Variants in ZNF75D observed in about 807,000 individuals in gnomAD.
The protein encoded by ZNF75D is zinc finger protein 75D, also known as zinc finger protein 75.
ZNF75D carries 33 observed loss-of-function variants against 33.3 expected under a neutral mutation model. That is an observed-to-expected ratio of 0.99 (90% CI 0.75 to 1.32). The LOEUF (loss-of-function observed/expected upper bound fraction) is 1.32. Among genes scored for constraint, ZNF75D ranks in the 40% most tolerant of loss-of-function variants. ZNF75D has a pLI of 0.00. For synonymous variants in ZNF75D, 113 were observed against 130.6 expected (o/e 0.87, Z 0.92); for missense variants, 338 against 367.5 (o/e 0.92, Z 0.66).
intron 1 of ZNF75D, among the ~76,000 whole-genome samples, chrX:135,311,207 T>A (rs1219548014): frequency 2.7e-5 from 3 of 112,025 alleles, no homozygotes; most frequent in African/African-American, 9.7e-5. Context: ...AGGCAGCACA[T>A]GGAATTTCAG....
At chrX:135,290,939 T>C in intron 6 of ZNF75D, 70 bp downstream of exon 6, 1 of 1,019,590 alleles carries the variant, frequency 9.8e-7, no homozygotes, top group Non-Finnish European at 1.3e-6. Context: ...CTCACAGGGG[T>C]GCATTTTCCA....
At chrX:135,311,840 G>A (rs782056839) in intron 1 of ZNF75D, among the ~76,000 whole-genome samples, 39 of 110,552 alleles carry the variant, frequency 3.5e-4, no homozygotes, top group Non-Finnish European at 6.1e-4. Flanking sequence ...TGTCCCCTAG[G>A]TCCATTCAGG....
At chrX:135,326,207 G>C (rs1252915983) in intron 1 of ZNF75D, among the ~76,000 whole-genome samples, 1 of 110,265 alleles carries the variant, frequency 9.1e-6, no homozygotes, top group African/African-American at 3.3e-5. Flanking sequence ...CTGCTCTGGT[G>C]GGGCCTTGGA....
intron 1 of ZNF75D, among the ~76,000 whole-genome samples, chrX:135,273,552 T>G (rs1402704541): frequency 9.0e-6 from 1 of 110,640 alleles, no homozygotes; most frequent in Admixed American, 9.6e-5. Flanking sequence ...AAGTCAGGGA[T>G]TACACACAGG....
At chrX:135,268,700 C>T (rs1269998877) in intron 1 of ZNF75D, among the ~76,000 whole-genome samples, 1 of 109,848 alleles carries the variant, frequency 9.1e-6, no homozygotes, top group African/African-American at 3.3e-5. Flanking sequence ...CAATGCAATC[C>T]CTATTAAAAC....
chrX:135,331,684 C>A (rs1370990546), intron 1 of ZNF75D, among the ~76,000 whole-genome samples: 1 of 111,585 alleles, frequency 9.0e-6, no homozygotes, highest in Non-Finnish European at 1.9e-5. Context: ...CCCTCTTCCT[C>A]TCCTCCCAAA....
chrX:135,323,336 A>G lies in ZNF75D; in HGVS notation c.-391+18432T>C, dbSNP rs1190852524. On this transcript the variant is annotated intron_variant, in intron 1 of 6. Coordinates refer to ENST00000370766, the MANE Select transcript of ZNF75D (RefSeq NM_007131.5). ...ACCCCTTGATTGTGCAACAGGGCAC[A>G]TGAAAATATCATTAGCATTTTCCAA... is the stretch of plus-strand genomic sequence containing the variant. 2.7e-5 allele frequency among the ~76,000 whole-genome samples: 3 copies of G among 112,391 alleles called. No individual in the cohort carries two copies. In the East Asian group the frequency reaches 8.4e-4, roughly 31 times the overall value.
rs1174459497 is a variant in ZNF75D, at chrX:135,295,939, C to T, written c.-290G>A. 9.0e-6 allele frequency: 1 copy of T among 111,325 alleles called. No homozygotes were observed. The highest frequency in any genetic ancestry group is 1.9e-5 in the Non-Finnish European group (1 of 53,027). 9.2% of individuals were successfully genotyped at this position (111,325 alleles called of 1,213,427 possible). A position where few individuals can be genotyped will look rare whatever the true frequency, so the allele number is the denominator to read the frequency against. On this transcript the variant is annotated 5_prime_UTR_variant, in exon 2 of 7. Transcript: ENST00000370766. Reference sequence around the variant, plus strand: ...GCGGGATGCCTGGCGAGTGAAGCTCCAAGATGTGGGGAGTCTTGGAATATC... The same window carrying T: ...GCGGGATGCCTGGCGAGTGAAGCTCTAAGATGTGGGGAGTCTTGGAATATC...
chrX:135,283,105 A>C (rs2083926746), downstream of ZNF75D, among the ~76,000 whole-genome samples: 1 of 111,961 alleles, frequency 8.9e-6, no homozygotes, highest in African/African-American at 3.3e-5. Context: ...ACTGCTTCTC[A>C]AAGCTGACCT....
intron 1 of ZNF75D, among the ~76,000 whole-genome samples, chrX:135,305,445 A>G (rs191482682): frequency 9.6e-4 from 108 of 112,040 alleles, no homozygotes; most frequent in African/African-American, 3.2e-3. Flanking sequence ...TTTTGCACCA[A>G]CAGCCAAAAG....
chrX:135,341,563 C>G (rs58956116), intron 1 of ZNF75D, among the ~76,000 whole-genome samples: 10,993 of 111,672 alleles, frequency 0.098, 950 homozygotes, highest in African/African-American at 0.28. Flanking sequence ...GAAAAATACT[C>G]AGCAACTGAC....
At chrX:135,313,169 T>C (rs2084380614) in intron 1 of ZNF75D, among the ~76,000 whole-genome samples, 1 of 111,742 alleles carries the variant, frequency 8.9e-6, no homozygotes, top group South Asian at 3.7e-4. Context: ...GATTTTTGTA[T>C]ATGGTTAGAG....
chrX:135,322,012 G>A (rs991369035), intron 1 of ZNF75D, among the ~76,000 whole-genome samples: 33 of 111,892 alleles, frequency 2.9e-4, no homozygotes, highest in African/African-American at 9.8e-4. Context: ...TTTCTACTCG[G>A]GAAGTCCACA....
chrX:135,336,103 T>C (rs2084708196), intron 1 of ZNF75D, among the ~76,000 whole-genome samples: 1 of 111,965 alleles, frequency 8.9e-6, no homozygotes, highest in African/African-American at 3.3e-5. Context: ...GTGGAGCCTT[T>C]GAGAAGAGAT....
intron 1 of ZNF75D, among the ~76,000 whole-genome samples, chrX:135,303,465 G>A (rs1302849521): frequency 2.7e-5 from 3 of 112,077 alleles, no homozygotes; most frequent in Admixed American, 9.4e-5. Context: ...TGACTCTTAA[G>A]GAGCATGCTG....
intron 1 of ZNF75D, among the ~76,000 whole-genome samples, chrX:135,332,388 G>A (rs2148494547): frequency 9.0e-6 from 1 of 110,848 alleles, no homozygotes; most frequent in South Asian, 3.9e-4. Context: ...GGGCCTTTGG[G>A]AGGTGATTGG....
At chrX:135,302,936 G>A (rs1415872170) in intron 1 of ZNF75D, among the ~76,000 whole-genome samples, 7 of 110,736 alleles carry the variant, frequency 6.3e-5, no homozygotes, top group Admixed American at 3.8e-4. Context: ...TGTTTCTCGG[G>A]GAGGAGGATG....
intron 1 of ZNF75D, among the ~76,000 whole-genome samples, chrX:135,302,995 G>A (rs1445554074): frequency 5.4e-5 from 6 of 110,602 alleles, no homozygotes; most frequent in Non-Finnish European, 1.1e-4. Context: ...AGGTAAACAC[G>A]TGAACAAAGG....
intron 6 of ZNF75D, among the ~76,000 whole-genome samples, chrX:135,290,519 G>GA (rs2084023049): frequency 8.9e-6 from 1 of 112,041 alleles, no homozygotes; most frequent in African/African-American, 3.2e-5. Context: ...ATTGTAGTTG[G>GA]AAAAAAATTG....
Sources: gnomAD v4.1 joint callset for allele counts (sites outside exome capture counted in the v4.1 genomes callset) on GRCh38, gnomAD v4.1.1 for gene constraint, MANE v1.5 for transcripts, NCBI Gene and HGNC (gene_info 2026-07-23, HGNC 2026-07-21) for gene names.